Variants in WWOX observed in about 807,000 individuals in gnomAD.
WWOX encodes the protein WW domain containing oxidoreductase, also known as WW domain-containing oxidoreductase.
WWOX carries 69 observed loss-of-function variants against 46.2 expected under a neutral mutation model. The ratio of observed to expected loss-of-function variants is 1.49; its 90% CI spans 1.23 to 1.82. The LOEUF (loss-of-function observed/expected upper bound fraction) is 1.82, where lower values mean the gene tolerates loss of function less well. Among genes scored for constraint, WWOX ranks in the 40% most tolerant of loss-of-function variants. WWOX has a pLI of 0.00. For synonymous variants in WWOX, 359 were observed against 202.6 expected (o/e 1.77, Z -6.56); for missense variants, 919 against 542.6 (o/e 1.69, Z -6.89).
At chr16:78,165,068 A>G (rs2034927339) in intron 5 of WWOX, among the ~76,000 whole-genome samples, 1 of 152,208 alleles carries the variant, frequency 6.6e-6, no homozygotes, top group African/African-American at 2.4e-5. Context: ...AAGGATCATC[A>G]GGGAAGCTAG....
chr16:78,495,575 C>A (rs902341952), intron 8 of WWOX, among the ~76,000 whole-genome samples: 1 of 149,182 alleles, frequency 6.7e-6, no homozygotes, highest in African/African-American at 2.5e-5. Context: ...GTGGTGTGAT[C>A]TCAGCTCACT....
chr16:78,377,780 T>C (rs1253860801), intron 5 of WWOX, among the ~76,000 whole-genome samples: 1 of 152,206 alleles, frequency 6.6e-6, no homozygotes, highest in Non-Finnish European at 1.5e-5. Flanking sequence ...TTTAATAGTT[T>C]TGCTTTCCAT....
intron 8 of WWOX, among the ~76,000 whole-genome samples, chr16:78,718,042 CA>C (rs2048606424): frequency 8.0e-6 from 1 of 125,240 alleles, no homozygotes; most frequent in Non-Finnish European, 1.7e-5. Context: ...TGCCAGACTG[CA>C]AACGTTATTT....
chr16:78,377,046 G>C (rs2081847437), intron 5 of WWOX, among the ~76,000 whole-genome samples: 1 of 152,226 alleles, frequency 6.6e-6, no homozygotes, highest in Admixed American at 6.5e-5. Flanking sequence ...GAATCGAGGA[G>C]GTGGGGCACT....
At chr16:78,752,850 C>G (rs920712863) in intron 8 of WWOX, among the ~76,000 whole-genome samples, 1 of 152,286 alleles carries the variant, frequency 6.6e-6, no homozygotes, top group South Asian at 2.1e-4. Context: ...CCAGGAATTC[C>G]AGGAGTCAGG....
chr16:78,813,080 GTTTTC>G (rs2051232983), intron 8 of WWOX, among the ~76,000 whole-genome samples: 2 of 146,994 alleles, frequency 1.4e-5, no homozygotes, highest in African/African-American at 2.5e-5. Flanking sequence ...CTTGTGAGAT[GTTTTC>G]TTTTTTTTTT....
At chr16:78,108,275 T>A in intron 1 of WWOX, 148 bp from the exon 2 acceptor site, 2 of 760,532 alleles carry the variant, frequency 2.6e-6, no homozygotes, top group South Asian at 3.2e-5. Flanking sequence ...GTTGACCCCG[T>A]AGCTGGGGTC....
chr16:78,722,766 T>C (rs1225553598), intron 8 of WWOX, among the ~76,000 whole-genome samples: 1 of 143,614 alleles, frequency 7.0e-6, no homozygotes, highest in Non-Finnish European at 1.5e-5. Context: ...AAGAGCTGGG[T>C]GTGGTGGCTC....
At chr16:78,910,955 A>G (rs1345249972) in intron 8 of WWOX, among the ~76,000 whole-genome samples, 3 of 152,108 alleles carry the variant, frequency 2.0e-5, no homozygotes, top group Non-Finnish European at 2.9e-5. Context: ...ATGTTTACAT[A>G]TTTCAAAATA....
intron 8 of WWOX, among the ~76,000 whole-genome samples, chr16:78,521,462 C>T (rs1364375841): frequency 6.6e-6 from 1 of 152,160 alleles, no homozygotes; most frequent in Non-Finnish European, 1.5e-5. Context: ...AAAGACAAGG[C>T]TCAAGTTCAT....
chr16:78,833,533 G>T (rs964508064), intron 8 of WWOX, among the ~76,000 whole-genome samples: 5 of 152,148 alleles, frequency 3.3e-5, no homozygotes, highest in African/African-American at 1.2e-4. Context: ...GTGCAGTGAG[G>T]ACACTCTTTT....
intron 8 of WWOX, among the ~76,000 whole-genome samples, chr16:79,085,603 G>A (rs1010720347): frequency 6.6e-6 from 1 of 152,054 alleles, no homozygotes; most frequent in African/African-American, 2.4e-5. Context: ...GGTAAAAGTG[G>A]TCCACATAGA....
At chr16:78,868,803 C>G (rs914854010) in intron 8 of WWOX, among the ~76,000 whole-genome samples, 2 of 152,172 alleles carry the variant, frequency 1.3e-5, no homozygotes, top group African/African-American at 4.8e-5. Context: ...CATTAATAAT[C>G]TGGCAGGAGA....
intron 5 of WWOX, among the ~76,000 whole-genome samples, chr16:78,368,445 G>A (rs921217713): frequency 6.6e-6 from 1 of 152,142 alleles, no homozygotes; most frequent in Non-Finnish European, 1.5e-5. Context: ...TTTTCCTGAT[G>A]TACCAAATGT....
chr16:78,751,461 T>TTATATATATATATATATATATATATATA (rs71140824), intron 8 of WWOX, among the ~76,000 whole-genome samples: 1 of 128,438 alleles, frequency 7.8e-6, no homozygotes, highest in African/African-American at 3.0e-5. Flanking sequence ...TTATCAGATT[T>TTATATATATATATATATATATATATATA]TATATATATA....
At chr16:78,980,389 G>A (rs1256809889) in intron 8 of WWOX, among the ~76,000 whole-genome samples, 5 of 152,042 alleles carry the variant, frequency 3.3e-5, no homozygotes, top group Non-Finnish European at 7.4e-5. Context: ...CCTTGGAATG[G>A]TTTTAGTTCT....
chr16:78,917,956 C>G (rs540096618), intron 8 of WWOX, among the ~76,000 whole-genome samples: 1 of 152,054 alleles, frequency 6.6e-6, no homozygotes, highest in African/African-American at 2.4e-5. Flanking sequence ...AATCTTAGCA[C>G]TTTGGGAAGT....
chr16:78,374,320 A>G (rs986812311), intron 5 of WWOX, among the ~76,000 whole-genome samples: 1 of 152,124 alleles, frequency 6.6e-6, no homozygotes, highest in Non-Finnish European at 1.5e-5. Flanking sequence ...ACAAAGCCAG[A>G]CCATGCATGA....
At chr16:78,413,809 G>A (rs919266580) in intron 6 of WWOX, among the ~76,000 whole-genome samples, 20 of 152,074 alleles carry the variant, frequency 1.3e-4, no homozygotes, top group African/African-American at 4.8e-4. Flanking sequence ...GGTCTGCATG[G>A]GGCCACCGTG....
Sources: gnomAD v4.1 joint callset for allele counts (sites outside exome capture counted in the v4.1 genomes callset) on GRCh38, gnomAD v4.1.1 for gene constraint, MANE v1.5 for transcripts, NCBI Gene and HGNC (gene_info 2026-07-23, HGNC 2026-07-21) for gene names.